The following RAB3C variants were observed in gnomAD, a reference collection of about 807,000 sequenced individuals.
RAB3C encodes ras-related protein Rab-3C.
A neutral mutation model predicts 26.4 loss-of-function variants in RAB3C; 17 were observed. That is an observed-to-expected ratio of 0.64 (90% CI 0.44 to 0.97). The LOEUF (loss-of-function observed/expected upper bound fraction) is 0.97, where lower values mean the gene tolerates loss of function less well. Ranked by LOEUF, RAB3C falls within the 50% of genes least tolerant of loss-of-function variation. The pLI, the probability that RAB3C is intolerant of heterozygous loss-of-function variation, is 0.00. For synonymous variants in RAB3C, 91 were observed against 95.9 expected (o/e 0.95, Z 0.30); for missense variants, 242 against 281.9 (o/e 0.86, Z 1.01).
chr5:58,844,805 G>GA lies in RAB3C; in HGVS notation c.497-6350dup, dbSNP rs143641403. Among the ~76,000 whole-genome samples, 28 of 150,936 alleles carry GA rather than the reference G, an allele frequency of 1.9e-4. 1 individual carries two copies. Among genetic ancestry groups the GA allele is most frequent in the Admixed American group, 1.1e-3 (17 of 15,178 alleles). On this transcript the variant is annotated intron_variant, in intron 4 of 4. Coordinates refer to ENST00000282878, the MANE Select transcript of RAB3C (RefSeq NM_138453.4). Reference sequence around the variant, plus strand: ...CTTTAGTGGCTATTTCCTCTCTACAGAAAAAAAAATATCACTTGTGATTTT... The same window carrying GA: ...CTTTAGTGGCTATTTCCTCTCTACAGAAAAAAAAAATATCACTTGTGATTTT...
At chr5:58,730,853 G>A (rs1412571167) in intron 3 of RAB3C, among the ~76,000 whole-genome samples, 2 of 152,088 alleles carry the variant, frequency 1.3e-5, no homozygotes, top group Non-Finnish European at 2.9e-5. Context: ...ATTTATAAAC[G>A]AAAGAAGTTT....
At chr5:58,845,612 A>ATGTGTGTG (rs1289870360) in intron 4 of RAB3C, among the ~76,000 whole-genome samples, 15 of 81,692 alleles carry the variant, frequency 1.8e-4, no homozygotes, top group African/African-American at 5.2e-4. Flanking sequence ...ATATATATAT[A>ATGTGTGTG]TGTGTGTGTG....
chr5:58,637,442 A>C (rs1329853820), intron 2 of RAB3C, among the ~76,000 whole-genome samples: 1 of 152,150 alleles, frequency 6.6e-6, no homozygotes, highest in South Asian at 2.1e-4. Flanking sequence ...TGTGATTTCT[A>C]TCCCCGAAGA....
In RAB3C at chr5:58,854,473, T is replaced by C. The variant is rs1281362988; in HGVS notation, c.*3122T>C. The stretch of plus-strand genomic sequence containing the variant: ...GCATTTCAGTTTTTGGAGATGGGGA[T>C]GGAAGTAGAAGGTGCACAAAGCGTC... On this transcript the variant is annotated 3_prime_UTR_variant, in exon 5 of 5. Coordinates refer to ENST00000282878, the MANE Select transcript of RAB3C (RefSeq NM_138453.4). 1 of 152,194 alleles carries C rather than the reference T, an allele frequency of 6.6e-6. No individual in the cohort carries two copies. The highest frequency in any genetic ancestry group is 2.4e-5 in the African/African-American group (1 of 41,452). 9.4% of individuals were successfully genotyped at this position (152,194 alleles called of 1,614,324 possible). A position where few individuals can be genotyped will look rare whatever the true frequency, so the allele number is the denominator to read the frequency against.
chr5:58,819,560 A>G (rs1268485833), intron 3 of RAB3C, among the ~76,000 whole-genome samples: 1 of 152,204 alleles, frequency 6.6e-6, no homozygotes, highest in African/African-American at 2.4e-5. Context: ...TACGAATTCT[A>G]AGATGCACAA....
Position 58,806,758 on chromosome 5 carries a change from C to T in RAB3C, c.372-18280C>T, listed in dbSNP as rs552671224. ...ACTGGGGAACAAAATCACCCCCACT[C>T]AAGAACTACTGTGTTAGAATAATCA... On this transcript the variant is annotated intron_variant, in intron 3 of 4. Transcript: ENST00000282878. 2.6e-5 allele frequency among the ~76,000 whole-genome samples: 4 copies of T among 152,270 alleles called. No individual in the cohort carries two copies. In the East Asian group the frequency reaches 7.7e-4, roughly 29 times the overall value.
intron 3 of RAB3C, chr5:58,794,568 C>T: frequency 6.6e-6 from 1 of 151,860 alleles, no homozygotes; most frequent in East Asian, 1.9e-4. Flanking sequence ...CCTCAAATGC[C>T]AGTCGGTGTG....
chr5:58,796,202 C>T (rs9292178), intron 3 of RAB3C, among the ~76,000 whole-genome samples: 1 of 152,186 alleles, frequency 6.6e-6, no homozygotes, highest in African/African-American at 2.4e-5. Context: ...GGTATAAATA[C>T]CTTTAGGAAT....
intron 2 of RAB3C, among the ~76,000 whole-genome samples, chr5:58,627,160 A>G (rs1473080580): frequency 6.6e-6 from 1 of 152,176 alleles, no homozygotes; most frequent in African/African-American, 2.4e-5. Flanking sequence ...ACAATTATAA[A>G]TCACTGGATC....
chr5:58,811,695 T>A (rs1052121334), intron 3 of RAB3C, among the ~76,000 whole-genome samples: 8 of 151,908 alleles, frequency 5.3e-5, no homozygotes, highest in Admixed American at 4.6e-4. Flanking sequence ...CTTAACCATG[T>A]CCCACCCCCT....
At chr5:58,710,972 C>T (rs1313800811) in intron 2 of RAB3C, among the ~76,000 whole-genome samples, 1 of 152,168 alleles carries the variant, frequency 6.6e-6, no homozygotes, top group Non-Finnish European at 1.5e-5. Context: ...TTGGAACACT[C>T]ATATAATTCA....
chr5:58,617,958 C>T (rs914725126), intron 2 of RAB3C, 88 bp downstream of exon 2: 3 of 780,628 alleles, frequency 3.8e-6, no homozygotes, highest in Non-Finnish European at 6.2e-6. Context: ...CTTGTTCTAT[C>T]CCCAGGGCAT....
intron 4 of RAB3C, among the ~76,000 whole-genome samples, chr5:58,828,900 G>T (rs1878197): frequency 7.2e-6 from 1 of 138,036 alleles, no homozygotes; most frequent in African/African-American, 2.7e-5. Flanking sequence ...ATTTTACCAT[G>T]CTTTTTTTTT....
At chr5:58,633,810 G>A (rs184397320) in intron 2 of RAB3C, among the ~76,000 whole-genome samples, 60 of 152,094 alleles carry the variant, frequency 3.9e-4, no homozygotes, top group African/African-American at 5.3e-4. Context: ...GATCATGCTC[G>A]TTTACCCTAT....
rs1268709546 is a variant in RAB3C at position 58,797,358 on chromosome 5, GTATATATATAATA to G, written c.372-27669_372-27657del. Among the ~76,000 whole-genome samples the G allele has an allele frequency of 2.0e-3, 52 of 26,280 alleles. 4 individuals are homozygous for G. The highest frequency in any genetic ancestry group is 0.011 in the African/African-American group (50 of 4,544). 17.2% of individuals were successfully genotyped at this position (26,280 alleles called of 152,430 possible). A position where few individuals can be genotyped will look rare whatever the true frequency, so the allele number is the denominator to read the frequency against. ...GGAAGACAAAAAAAAAAAAAAATATGTATATATATAATATATATATATATATATATATATATAT... is the reference window on the plus strand; with the variant it reads ...GGAAGACAAAAAAAAAAAAAAATATGTATATATATATATATATATATATAT... On this transcript the variant is annotated intron_variant, in intron 3 of 4. Transcript: ENST00000282878.
intron 2 of RAB3C, among the ~76,000 whole-genome samples, chr5:58,665,368 A>G (rs1286162487): frequency 6.6e-6 from 1 of 152,200 alleles, no homozygotes; most frequent in African/African-American, 2.4e-5. Flanking sequence ...TGTGTGACCT[A>G]AGAAAAATGT....
intron 2 of RAB3C, among the ~76,000 whole-genome samples, chr5:58,622,161 A>G (rs1361693582): frequency 2.0e-5 from 3 of 152,140 alleles, no homozygotes; most frequent in Non-Finnish European, 4.4e-5. Context: ...AACAACTTCA[A>G]CTTACTCTGG....
chr5:58,813,633 T>TATATATATATATAC (rs1175890816), intron 3 of RAB3C, among the ~76,000 whole-genome samples: 4 of 17,296 alleles, frequency 2.3e-4, no homozygotes, highest in South Asian at 1.6e-3. Context: ...TATATATATA[T>TATATATATATATAC]ACACACACAC....
rs910135562 is a variant in RAB3C at position 58,859,245 on chromosome 5, C to T, written c.*7894C>T. 6.6e-6 allele frequency: 1 copy of T among 152,148 alleles called. No homozygotes were observed. Among genetic ancestry groups the T allele is most frequent in the Admixed American group, 6.6e-5 (1 of 15,266 alleles). The allele number at this position is 152,148 out of a possible 1,614,324, so 9.4% of individuals were successfully genotyped here. On this transcript the variant is annotated 3_prime_UTR_variant, in exon 5 of 5. Transcript: ENST00000282878. Reference sequence around the variant, plus strand: ...ATTCACATTGTGAAGTTTTAATTATCTTTATTGAAATTAATTGTGTAAAAA... The same window carrying T: ...ATTCACATTGTGAAGTTTTAATTATTTTTATTGAAATTAATTGTGTAAAAA...
Sources: gnomAD v4.1 joint callset for allele counts (sites outside exome capture counted in the v4.1 genomes callset) on GRCh38, gnomAD v4.1.1 for gene constraint, MANE v1.5 for transcripts, NCBI Gene and HGNC (gene_info 2026-07-23, HGNC 2026-07-21) for gene names.